Variants in EIF4ENIF1 observed in about 807,000 individuals in gnomAD.
EIF4ENIF1 encodes the protein eukaryotic translation initiation factor 4E nuclear import factor 1, also known as eukaryotic translation initiation factor 4E transporter.
EIF4ENIF1 carries 23 observed loss-of-function variants against 110.5 expected under a neutral mutation model. The observed-to-expected ratio is 0.21, with a 90% CI of 0.15 to 0.29. The LOEUF is 0.29. Ranked by LOEUF, EIF4ENIF1 falls within the 10% of genes least tolerant of loss-of-function variation. The probability of loss-of-function intolerance (pLI) is 1.00; values close to 1 mark genes in which losing one functional copy is unlikely to be tolerated. For missense variants in EIF4ENIF1, 1,031 were observed against 1,221.1 expected, an observed-to-expected ratio of 0.84 and a Z score of 2.32; for synonymous variants, 440 against 437.0, an observed-to-expected ratio of 1.01 and a Z score of -0.09.
At chr22:31,441,751 C>G in intron 17 of EIF4ENIF1, 23 bp downstream of exon 17, 1 of 1,588,942 alleles carries the variant, frequency 6.3e-7, no homozygotes, top group Non-Finnish European at 8.6e-7. Context: ...ACTGACGACA[C>G]CCAAGTCAGG....
Position 31,441,931 on chromosome 22 carries a change from T to A in EIF4ENIF1, c.2394A>T (p.Pro798=), listed in dbSNP as rs544622252. 28 of 1,614,158 alleles carry A rather than the reference T, an allele frequency of 1.7e-5. No homozygotes were observed. In the East Asian group the frequency reaches 6.0e-4, roughly 35 times the overall value. ...TGRKTPTLAS[P]VPTTPFLRPV... ...GGCGGAGAAAAGGTGTTGTAGGAAC[T>A]GGGGATGCCAAGGTGGGTGTTTTTC... Residue 798 remains proline (P), a synonymous_variant, in exon 17 of 19, where the codon CCA becomes CCT. Transcript: ENST00000330125.
chr22:31,482,213 A>G (rs778985106), intron 2 of EIF4ENIF1, among the ~76,000 whole-genome samples: 2 of 152,132 alleles, frequency 1.3e-5, no homozygotes, highest in Non-Finnish European at 2.9e-5. Context: ...AGATAATTCA[A>G]CATTCACTTA....
At position 31,441,823 on chromosome 22, in the gene EIF4ENIF1, C is replaced by T. The variant is rs777530437; in HGVS notation, c.2502G>A (p.Met834Ile). 1.9e-6 allele frequency: 3 copies of T among 1,614,108 alleles called. No individual in the cohort carries two copies. The highest frequency in any genetic ancestry group is 2.5e-6 in the Non-Finnish European group (3 of 1,179,998). ...HQLHPGLVQRMLAQGVHPQHL... is the reference protein window; with the variant it reads ...HQLHPGLVQRILAQGVHPQHL... ...GCTGTGGATGTACTCCCTGGGCCAG[C>T]ATCCTCTGTACCAACCCTGGGTGAA... The change falls in exon 17 of 19, where the codon ATG (methionine) becomes ATA (isoleucine). Residue 834 changes from methionine (M) to isoleucine (I), a missense_variant. Met to Ile is a conservative substitution (Grantham distance 10). Around this residue, in one of 3 missense-constraint regions of EIF4ENIF1, gnomAD observed 309 missense variants for 299.1 expected, o/e 1.03. Coordinates refer to ENST00000330125, the MANE Select transcript of EIF4ENIF1 (RefSeq NM_019843.4).
intron 15 of EIF4ENIF1, among the ~76,000 whole-genome samples, chr22:31,443,783 A>C (rs577656947): frequency 6.7e-6 from 1 of 150,324 alleles, no homozygotes; most frequent in African/African-American, 2.4e-5. Flanking sequence ...TGATTAGATG[A>C]TAAAGATTTG....
chr22:31,438,609 C>G (rs983446039), downstream of EIF4ENIF1, among the ~76,000 whole-genome samples: 1 of 152,154 alleles, frequency 6.6e-6, no homozygotes, highest in African/African-American at 2.4e-5. Flanking sequence ...CTGGTATTAG[C>G]CACAAGGCTA....
intron 2 of EIF4ENIF1, among the ~76,000 whole-genome samples, chr22:31,476,638 T>C (rs1420421361): frequency 6.6e-6 from 1 of 152,106 alleles, no homozygotes; most frequent in Non-Finnish European, 1.5e-5. Context: ...CTCACACATG[T>C]AATCACAGCA....
chr22:31,441,866 A>G lies in EIF4ENIF1; in HGVS notation c.2459T>C (p.Val820Ala). 6.2e-7 allele frequency: 1 copy of G among 1,614,166 alleles called. No individual in the cohort carries two copies. Among genetic ancestry groups the G allele is most frequent in the Non-Finnish European group, 8.5e-7 (1 of 1,180,026 alleles). ...TGGGTGAAGCTGGTGAGCAGGCCTA[A>G]CCATAGGGACATGGGGGACAAGGGG... ...QVPLVPHVPM[V>A]RPAHQLHPGL... The change falls in exon 17 of 19, where the codon GTT becomes GCT. Residue 820 changes from valine (V) to alanine (A), a missense_variant. This residue lies in a region of EIF4ENIF1 where 309 missense variants were observed against 299.1 expected (regional missense o/e 1.03). Transcript: ENST00000330125.
chr22:31,473,192 A>AATTT (rs1443279968), intron 2 of EIF4ENIF1, among the ~76,000 whole-genome samples: 1 of 151,976 alleles, frequency 6.6e-6, no homozygotes, highest in East Asian at 1.9e-4. Flanking sequence ...TCCATGAGAG[A>AATTT]ATTTAGCCCT....
At chr22:31,493,322 C>T (rs1213740005), upstream of EIF4ENIF1, among the ~76,000 whole-genome samples, 2 of 152,064 alleles carry the variant, frequency 1.3e-5, no homozygotes, top group Non-Finnish European at 2.9e-5. Context: ...AGCCACCGCG[C>T]CTGGCCTATA....
chr22:31,480,458 T>TA (rs1177762817), intron 2 of EIF4ENIF1, among the ~76,000 whole-genome samples: 2 of 152,192 alleles, frequency 1.3e-5, no homozygotes, highest in Non-Finnish European at 2.9e-5. Flanking sequence ...GAAGGGGGAT[T>TA]AAAAGGGAAA....
rs957084788 is a variant in EIF4ENIF1, at chr22:31,450,342, A to G, written c.1531T>C (p.Leu511=). The change falls in exon 11 of 19, where the codon TTG becomes CTG. Residue 511 remains leucine, a synonymous_variant. Transcript: ENST00000330125. The part of the protein sequence containing the change: ...PKVSRNLESH[L]MSPAEIPGQP... ...CCTGGAATCTCAGCAGGGGACATCA[A>G]ATGGCTTTCAAGGTTTCGCTAAAAG... 7.4e-6 allele frequency: 12 copies of G among 1,613,270 alleles called. No individual in the cohort carries two copies. The African/African-American group carries it at 1.3e-4, about 18-fold the overall frequency.
intron 3 of EIF4ENIF1, among the ~76,000 whole-genome samples, chr22:31,469,597 G>A (rs1419886256): frequency 6.6e-6 from 1 of 152,188 alleles, no homozygotes; most frequent in Non-Finnish European, 1.5e-5. Context: ...TCAGAGAGGT[G>A]AAAGGAAATG....
chr22:31,482,545 C>T (rs943901372), intron 2 of EIF4ENIF1, among the ~76,000 whole-genome samples: 2 of 151,500 alleles, frequency 1.3e-5, no homozygotes, highest in Non-Finnish European at 2.9e-5. Context: ...AGCTGGGCAT[C>T]ATGGCACGTG....
chr22:31,466,409 T>A (rs2051188298), intron 4 of EIF4ENIF1, among the ~76,000 whole-genome samples: 1 of 49,016 alleles, frequency 2.0e-5, no homozygotes, highest in Non-Finnish European at 4.2e-5. Context: ...CAAGACTCTG[T>A]CTCGGTGGGG....
chr22:31,476,078 C>T (rs1323975823), intron 2 of EIF4ENIF1, among the ~76,000 whole-genome samples: 1 of 152,032 alleles, frequency 6.6e-6, no homozygotes, highest in Admixed American at 6.6e-5. Flanking sequence ...AAGGACCTTG[C>T]AATATAGGAA....
Position 31,442,993 on chromosome 22 carries a change from G to A in EIF4ENIF1, c.2175C>T (p.Asp725=), listed in dbSNP as rs1050986973. ...EPASGKAALG[D]SKEDTQKASE... is the part of the protein sequence containing the mutation. ...TGGCCTTCTGAGTATCCTCTTTACTGTCACCAAGAGCTGCTTTTCCAGATG... is the reference window on the plus strand; with the variant it reads ...TGGCCTTCTGAGTATCCTCTTTACTATCACCAAGAGCTGCTTTTCCAGATG... The change falls in exon 16 of 19, where the codon GAC becomes GAT. Residue 725 remains aspartate, a synonymous_variant. Coordinates refer to ENST00000330125, the MANE Select transcript of EIF4ENIF1 (RefSeq NM_019843.4). 1 of 1,613,932 alleles carries A rather than the reference G, an allele frequency of 6.2e-7. No individual in the cohort carries two copies. Among genetic ancestry groups the A allele is most frequent in the African/African-American group, 1.3e-5 (1 of 74,910 alleles).
At chr22:31,470,181 A>AG (rs1569094496) in intron 3 of EIF4ENIF1, among the ~76,000 whole-genome samples, 5 of 118,362 alleles carry the variant, frequency 4.2e-5, no homozygotes, top group South Asian at 2.9e-4. Flanking sequence ...AAAAAAAAAA[A>AG]AAAGAAAAAT....
At chr22:31,463,251 GC>G in intron 5 of EIF4ENIF1, 118 bp from the exon 6 acceptor site, 2 of 939,886 alleles carry the variant, frequency 2.1e-6, no homozygotes, top group Non-Finnish European at 3.2e-6. Flanking sequence ...TATACCTGAG[GC>G]CCATCACCAC....
At chr22:31,455,406 T>G in intron 8 of EIF4ENIF1, 91 bp from the exon 9 acceptor site, 1 of 1,176,026 alleles carries the variant, frequency 8.5e-7, no homozygotes, top group Non-Finnish European at 1.1e-6. Context: ...TTTTTTTTTT[T>G]TTTTTTCTTT....
Sources: gnomAD v4.1 joint callset for allele counts (sites outside exome capture counted in the v4.1 genomes callset) on GRCh38, gnomAD v4.1.1 for gene constraint, gnomAD v4.1.1 regional missense constraint, MANE v1.5 for transcripts, NCBI Gene and HGNC (gene_info 2026-07-23, HGNC 2026-07-21) for gene names.